Variants in MGST1 observed in about 807,000 individuals in gnomAD.
The protein encoded by MGST1 is glutathione S-transferase 12.
MGST1 carries 5 observed loss-of-function variants against 8.9 expected under a neutral mutation model. The observed-to-expected ratio is 0.56, with a 90% CI of 0.29 to 1.19. MGST1 has a LOEUF of 1.19. Ranked by LOEUF, MGST1 falls within the 50% of genes most tolerant of loss-of-function variation. MGST1 has a pLI of 0.08. For missense variants in MGST1, 182 were observed against 187.4 expected (o/e 0.97, Z 0.17); for synonymous variants, 54 against 67.8 (o/e 0.80, Z 1.00).
At chr12:16,393,362 A>G (rs1940570776) in intron 1 of MGST1, among the ~76,000 whole-genome samples, 1 of 152,184 alleles carries the variant, frequency 6.6e-6, no homozygotes, top group Admixed American at 6.5e-5. Context: ...TTTCCAAAAG[A>G]GTAAAGTGAA....
chr12:16,510,138 C>T (rs577459873), intron 4 of MGST1, among the ~76,000 whole-genome samples: 60 of 152,312 alleles, frequency 3.9e-4, no homozygotes, highest in African/African-American at 1.2e-3. Flanking sequence ...CTGACTTCTA[C>T]GTCGTGCAGT....
downstream of MGST1, chr12:16,438,852 C>T (rs1339771799): frequency 6.6e-6 from 1 of 151,860 alleles, no homozygotes; most frequent in Non-Finnish European, 1.5e-5. Context: ...ACAGCAACAT[C>T]ACTTTGATCT....
chr12:16,441,866 A>G (rs1941042089), downstream of MGST1, among the ~76,000 whole-genome samples: 1 of 151,828 alleles, frequency 6.6e-6, no homozygotes, highest in Admixed American at 6.6e-5. Flanking sequence ...TTGCAGGATC[A>G]TATCATAAGG....
At chr12:16,426,304 A>G (rs528309277) in intron 1 of MGST1, among the ~76,000 whole-genome samples, 1 of 152,270 alleles carries the variant, frequency 6.6e-6, no homozygotes, top group African/African-American at 2.4e-5. Context: ...ACAACTGTTC[A>G]TTTTGATTGG....
At position 16,533,626 on chromosome 12, in the gene MGST1, CTGAT is replaced by C. The variant is rs1238552079; in HGVS notation, n.483-55892_483-55889del. Among the ~76,000 whole-genome samples the C allele has an allele frequency of 4.6e-5, 7 of 151,940 alleles. No individual in the cohort carries two copies. The East Asian group carries it at 5.8e-4, about 13-fold the overall frequency. On this transcript the variant is annotated intron_variant and non_coding_transcript_variant, in intron 4 of 4. Coordinates refer to the MGST1 transcript ENST00000538857. Reference sequence around the variant, plus strand: ...TAGGATGGTAAACTGCATTGTCCAACTGATTGATTGATTAATGAAGCATTTGTGC... The same window carrying C: ...TAGGATGGTAAACTGCATTGTCCAACTGATTGATTAATGAAGCATTTGTGC...
At chr12:16,581,169 T>A (rs920702385) in intron 4 of MGST1, among the ~76,000 whole-genome samples, 17 of 152,254 alleles carry the variant, frequency 1.1e-4, no homozygotes, top group Admixed American at 8.5e-4. Context: ...GATGACAGGA[T>A]CAATTTATGG....
At chr12:16,540,853 C>G (rs995376681) in intron 4 of MGST1, among the ~76,000 whole-genome samples, 2 of 152,128 alleles carry the variant, frequency 1.3e-5, no homozygotes, top group Non-Finnish European at 2.9e-5. Flanking sequence ...GAGGTTGCAG[C>G]AAGCCGAGAC....
downstream of MGST1, among the ~76,000 whole-genome samples, chr12:16,593,171 G>T (rs1027648105): frequency 2.6e-5 from 4 of 151,474 alleles, no homozygotes; most frequent in African/African-American, 9.7e-5. This position sits in a 1 kb window ranked among gnomAD's most constrained non-coding sequence, Gnocchi z 4.2. Context: ...TAATAGCTTG[G>T]GTTTAATGTG....
At chr12:16,433,770 A>G (rs1940959793) in intron 1 of MGST1, among the ~76,000 whole-genome samples, 1 of 152,066 alleles carries the variant, frequency 6.6e-6, no homozygotes, top group Non-Finnish European at 1.5e-5. Context: ...TCACACATAC[A>G]CATCCCAATC....
At chr12:16,420,237 TGCCCA>T (rs1290362491) in intron 1 of MGST1, among the ~76,000 whole-genome samples, 174 of 152,302 alleles carry the variant, frequency 1.1e-3, no homozygotes, top group African/African-American at 3.8e-3. Flanking sequence ...ATCATCAAGA[TGCCCA>T]CTTCCATCTG....
intron 1 of MGST1, among the ~76,000 whole-genome samples, chr12:16,421,929 G>T (rs1385673993): frequency 6.6e-6 from 1 of 152,144 alleles, no homozygotes; most frequent in African/African-American, 2.4e-5. Flanking sequence ...GACATATCTG[G>T]ATTCCACATT....
intron 4 of MGST1, among the ~76,000 whole-genome samples, chr12:16,561,959 G>A (rs1161261648): frequency 6.6e-6 from 1 of 152,164 alleles, no homozygotes; most frequent in Non-Finnish European, 1.5e-5. Flanking sequence ...ATAATTGTTA[G>A]ACACTTATTT....
At chr12:16,515,913 C>T (rs1037203640) in intron 4 of MGST1, among the ~76,000 whole-genome samples, 1 of 152,138 alleles carries the variant, frequency 6.6e-6, no homozygotes, top group African/African-American at 2.4e-5. Flanking sequence ...TGTGTGCTGC[C>T]AGCTGGGCTC....
intron 1 of MGST1, among the ~76,000 whole-genome samples, chr12:16,394,130 A>G (rs963357908): frequency 2.0e-5 from 3 of 152,248 alleles, no homozygotes; most frequent in African/African-American, 7.2e-5. Context: ...ACACTTCCAC[A>G]GAAGTGTGAG....
chr12:16,569,432 G>A (rs1272713757), intron 4 of MGST1, among the ~76,000 whole-genome samples: 2 of 152,116 alleles, frequency 1.3e-5, no homozygotes, highest in Admixed American at 1.3e-4. Flanking sequence ...CTTAAAAGTT[G>A]CAAACAGTGT....
intron 4 of MGST1, among the ~76,000 whole-genome samples, chr12:16,501,274 T>G (rs1008563379): frequency 7.2e-5 from 11 of 152,126 alleles, no homozygotes; most frequent in African/African-American, 2.2e-4. Context: ...ATAATTAAAT[T>G]GGGCATAATT....
At chr12:16,409,926 T>C (rs186856350) in intron 1 of MGST1, among the ~76,000 whole-genome samples, 1 of 152,274 alleles carries the variant, frequency 6.6e-6, no homozygotes, top group East Asian at 1.9e-4. Context: ...TCAGATAACA[T>C]ATATTAACAA....
chr12:16,381,783 G>A (rs1940455931), downstream of MGST1, among the ~76,000 whole-genome samples: 3 of 152,282 alleles, frequency 2.0e-5, no homozygotes, highest in East Asian at 1.9e-4. Context: ...CCAATCAGAT[G>A]TAGATTTGGT....
chr12:16,538,612 T>C (rs938357346), intron 4 of MGST1, among the ~76,000 whole-genome samples: 4 of 149,388 alleles, frequency 2.7e-5, no homozygotes, highest in Admixed American at 1.3e-4. Context: ...GCACTTCTTT[T>C]TTTTTTTTTT....
Sources: allele counts gnomAD v4.1 joint callset (sites outside exome capture counted in the v4.1 genomes callset), GRCh38; gene constraint gnomAD v4.1.1; non-coding constraint Gnocchi (gnomAD v3.1); transcripts MANE v1.5; gene names NCBI Gene and HGNC (gene_info 2026-07-23, HGNC 2026-07-21).